LAMA3: variants seen among roughly 807,000 people sequenced by gnomAD.
LAMA3 encodes laminin subunit alpha-3.
In LAMA3, 281 loss-of-function variants were observed where a neutral mutation model predicts 402.0. The ratio of observed to expected loss-of-function variants is 0.70; its 90% confidence interval spans 0.63 to 0.77. LAMA3 has a LOEUF of 0.77. Ranked by LOEUF, LAMA3 falls within the 30% of genes least tolerant of loss-of-function variation. The pLI, the probability that LAMA3 is intolerant of heterozygous loss-of-function variation, is 0.00. For synonymous variants in LAMA3, 1,431 were observed against 1,558.4 expected, an observed-to-expected ratio of 0.92 and a Z score of 1.93; for missense variants, 3,840 against 4,215.5, an observed-to-expected ratio of 0.91 and a Z score of 2.47.
Position 23,951,733 on chromosome 18 carries a change from C to T in LAMA3, c.9692C>T (p.Thr3231Ile), listed in dbSNP as rs1272575479. 1.2e-6 allele frequency: 2 copies of T among 1,614,028 alleles called. No individual in the cohort carries two copies. The highest frequency in any genetic ancestry group is 1.7e-6 in the Non-Finnish European group (2 of 1,179,974). Residue 3231 changes from threonine to isoleucine, a missense_variant, in exon 73 of 75, where the codon ACA (threonine) becomes ATA (isoleucine). Coordinates refer to ENST00000313654, the MANE Select transcript of LAMA3 (RefSeq NM_198129.4). ...GCAGGTGGGACCTCAACGTCGGTCA[C>T]ACCAAAGCAGTCTCTGTGTGATGGA... Reference protein sequence around the residue: ...SGAGGTSTSVTPKQSLCDGQW... With the variant: ...SGAGGTSTSVIPKQSLCDGQW...
intron 17 of LAMA3, among the ~76,000 whole-genome samples, 183 bp downstream of exon 17, chr18:23,815,756 C>T (rs1223373633): frequency 6.6e-6 from 1 of 152,134 alleles, no homozygotes; most frequent in Non-Finnish European, 1.5e-5. Flanking sequence ...GCAAGTGGGG[C>T]TGTTTCTACT....
At chr18:23,923,545 A>T (rs2081914369) in intron 62 of LAMA3, among the ~76,000 whole-genome samples, 1 of 152,204 alleles carries the variant, frequency 6.6e-6, no homozygotes, top group Non-Finnish European at 1.5e-5. Flanking sequence ...GGAACACACC[A>T]ACGGAGGAGT....
At chr18:23,715,508 A>C (rs1260190962) in intron 2 of LAMA3, among the ~76,000 whole-genome samples, 1 of 152,192 alleles carries the variant, frequency 6.6e-6, no homozygotes, top group Non-Finnish European at 1.5e-5. Flanking sequence ...AGAGGAATTG[A>C]AGTACCTAAT....
intron 21 of LAMA3, among the ~76,000 whole-genome samples, 154 bp from the exon 22 acceptor site, chr18:23,826,548 G>A (rs2063385468): frequency 6.6e-6 from 1 of 152,180 alleles, no homozygotes; most frequent in Non-Finnish European, 1.5e-5. Context: ...GTGTTTCGGT[G>A]AGTCGGGATG....
At chr18:23,926,370 T>C (rs1433405491) in intron 62 of LAMA3, among the ~76,000 whole-genome samples, 1 of 152,202 alleles carries the variant, frequency 6.6e-6, no homozygotes, top group Non-Finnish European at 1.5e-5. Flanking sequence ...CCAAGAGATA[T>C]GTTGAAACCC....
chr18:23,778,386 A>G (rs756487863), intron 11 of LAMA3, among the ~76,000 whole-genome samples: 1 of 152,192 alleles, frequency 6.6e-6, no homozygotes, highest in Non-Finnish European at 1.5e-5. Flanking sequence ...CATACATAAT[A>G]TAGAAACCCA....
At chr18:23,796,016 A>C (rs948485480) in intron 12 of LAMA3, 2 of 406,652 alleles carry the variant, frequency 4.9e-6, no homozygotes, top group Non-Finnish European at 9.6e-6. Flanking sequence ...TCCCTCTACC[A>C]TGTGAGGACC....
chr18:23,750,823 A>T, intron 4 of LAMA3, 95 bp from the exon 5 acceptor site: 1 of 1,348,516 alleles, frequency 7.4e-7, no homozygotes, highest in Non-Finnish European at 1.1e-6. Flanking sequence ...AAAGAAACCA[A>T]GTGCCTTGGG....
Position 23,784,167 on chromosome 18 carries a change from C to T in LAMA3, c.1603+10C>T. On this transcript the variant is annotated intron_variant, in intron 12 of 74. Coordinates refer to ENST00000313654, the MANE Select transcript of LAMA3 (RefSeq NM_198129.4). Reference sequence around the variant, plus strand: ...TTCCCTATTTGCCAAGGTAAGTGGGCAGAACATAGCATATTCATAATCAAT... The same window carrying T: ...TTCCCTATTTGCCAAGGTAAGTGGGTAGAACATAGCATATTCATAATCAAT... 1 of 1,614,018 alleles carries T rather than the reference C, an allele frequency of 6.2e-7. No individual in the cohort carries two copies. Among genetic ancestry groups the T allele is most frequent in the South Asian group, 1.1e-5 (1 of 91,076 alleles).
Position 23,913,680 on chromosome 18 carries a change from A to G in LAMA3, c.7330-730A>G, listed in dbSNP as rs544510818. On this transcript the variant is annotated intron_variant, in intron 56 of 74. Transcript: ENST00000313654. ...GTATTTAAAGATTCTTAAAATCAAC[A>G]CTATTGCTAATTACTCTTCCATGCT... is the stretch of plus-strand genomic sequence containing the variant. Among the ~76,000 whole-genome samples the G allele has an allele frequency of 4.3e-4, 65 of 152,304 alleles. 1 individual carries two copies. The highest frequency in any genetic ancestry group is 1.5e-3 in the African/African-American group (61 of 41,562).
intron 67 of LAMA3, among the ~76,000 whole-genome samples, chr18:23,938,965 G>T (rs555006771): frequency 1.3e-5 from 2 of 152,230 alleles, no homozygotes; most frequent in South Asian, 4.2e-4. Context: ...GCATTGAAGG[G>T]GATTACGAGG....
chr18:23,815,020 T>G (rs553891544), intron 15 of LAMA3, among the ~76,000 whole-genome samples, 168 bp from the exon 16 acceptor site: 28 of 152,358 alleles, frequency 1.8e-4, no homozygotes, highest in Non-Finnish European at 3.5e-4. Flanking sequence ...TTCTGCCAAC[T>G]TCAGAAAGCA....
At chr18:23,845,217 C>CCGT in intron 30 of LAMA3, 93 bp downstream of exon 30, 1 of 761,906 alleles carries the variant, frequency 1.3e-6, no homozygotes, top group Admixed American at 1.9e-5. Flanking sequence ...GCCCATGGAT[C>CCGT]CGTCCTCTTC....
chr18:23,929,704 A>T (rs7244601), intron 64 of LAMA3, among the ~76,000 whole-genome samples: 1 of 151,956 alleles, frequency 6.6e-6, no homozygotes, highest in South Asian at 2.1e-4. Context: ...CCAGTCCTTG[A>T]GGTTTTATTT....
intron 32 of LAMA3, among the ~76,000 whole-genome samples, chr18:23,857,366 A>G (rs968295013): frequency 3.9e-5 from 6 of 152,174 alleles, no homozygotes; most frequent in Admixed American, 2.0e-4. Context: ...CCCTGTACAC[A>G]CTGAGTGATC....
chr18:23,812,002 T>A (rs1046111954), intron 13 of LAMA3, among the ~76,000 whole-genome samples: 22 of 151,842 alleles, frequency 1.4e-4, no homozygotes, highest in Non-Finnish European at 2.5e-4. Flanking sequence ...GCCTCTCGAG[T>A]AGCTGGGATT....
chr18:23,831,761 T>A (rs528351230), intron 23 of LAMA3, among the ~76,000 whole-genome samples: 2 of 152,326 alleles, frequency 1.3e-5, no homozygotes, highest in South Asian at 4.1e-4. Flanking sequence ...ATTTGAATCC[T>A]CATTTTGACA....
Position 23,826,761 on chromosome 18 carries a change from C to A in LAMA3, c.2631C>A (p.Val877=). ...YYEASVLQLP[V]TEPCAYAGPP... The stretch of plus-strand genomic sequence containing the variant: ...AAGCCTCTGTACTGCAGCTGCCAGT[C>A]ACAGAACCATGTGCCTACGCAGGAC... Residue 877 remains valine (V), a synonymous_variant, in exon 22 of 75, where the codon GTC becomes GTA. Transcript: ENST00000313654. 6.4e-7 allele frequency: 1 copy of A among 1,567,938 alleles called. No homozygotes were observed.
At chr18:23,830,049 C>T (rs1206733253) in intron 23 of LAMA3, among the ~76,000 whole-genome samples, 1 of 152,198 alleles carries the variant, frequency 6.6e-6, no homozygotes, top group African/African-American at 2.4e-5. Flanking sequence ...AAACTGCTGA[C>T]CAAAATAATC....
Sources: gnomAD v4.1 joint callset for allele counts (sites outside exome capture counted in the v4.1 genomes callset) on GRCh38, gnomAD v4.1.1 for gene constraint, MANE v1.5 for transcripts, NCBI Gene and HGNC (gene_info 2026-07-23, HGNC 2026-07-21) for gene names.